CNGA3: variants seen among roughly 807,000 people sequenced by gnomAD.
CNGA3 encodes the protein cyclic nucleotide gated channel subunit alpha 3.
In CNGA3, 42 loss-of-function variants were observed where a neutral mutation model predicts 46.6. That is an observed-to-expected ratio of 0.90 (90% confidence interval 0.70 to 1.17). CNGA3 has a LOEUF of 1.17. Ranked by LOEUF, CNGA3 falls within the 50% of genes most tolerant of loss-of-function variation. CNGA3 has a pLI of 0.00. For missense variants in CNGA3, 893 were observed against 890.7 expected (o/e 1.00, Z -0.03); for synonymous variants, 394 against 369.4 (o/e 1.07, Z -0.76).
At chr2:98,357,190 T>G (rs969777819) in intron 1 of CNGA3, among the ~76,000 whole-genome samples, 1 of 152,172 alleles carries the variant, frequency 6.6e-6, no homozygotes, top group Non-Finnish European at 1.5e-5. Context: ...ACAAGAAAAG[T>G]ACAAGAATAA....
chr2:98,377,622 T>C, intron 2 of CNGA3, 65 bp from the exon 3 acceptor site: 1 of 1,459,652 alleles, frequency 6.9e-7, no homozygotes, highest in South Asian at 1.2e-5. Flanking sequence ...GTCTCACTCC[T>C]GGCTGTGTCC....
rs1172056960 is a variant in CNGA3, at chr2:98,389,892, C to T, written c.566+118C>T. On this transcript the variant is annotated intron_variant, in intron 6 of 7. Coordinates refer to ENST00000272602, the MANE Select transcript of CNGA3 (RefSeq NM_001298.3). ...AGGCCTGGACCCCTCACGGCCACCA[C>T]TTAGTTATTGTGCCTCGGTTTCTCC... 19 of 712,198 alleles carry T rather than the reference C, an allele frequency of 2.7e-5. No homozygotes were observed. In the East Asian group the frequency reaches 4.9e-4, roughly 18 times the overall value. 44.1% of individuals were successfully genotyped at this position (712,198 alleles called of 1,614,324 possible).
At chr2:98,387,373 AC>A (rs1692676353) in intron 5 of CNGA3, among the ~76,000 whole-genome samples, 1 of 152,348 alleles carries the variant, frequency 6.6e-6, no homozygotes, top group African/African-American at 2.4e-5. Context: ...TTATCTCTCA[AC>A]CATGCCTTCC....
intron 1 of CNGA3, among the ~76,000 whole-genome samples, chr2:98,368,264 C>T (rs1484364348): frequency 6.6e-6 from 1 of 152,216 alleles, no homozygotes; most frequent in Non-Finnish European, 1.5e-5. Flanking sequence ...CTGTCTCTGA[C>T]CTTCCTTTGG....
chr2:98,376,610 C>G (rs998204781), intron 2 of CNGA3, among the ~76,000 whole-genome samples: 1 of 152,082 alleles, frequency 6.6e-6, no homozygotes, highest in African/African-American at 2.4e-5. Flanking sequence ...AGCAGCCTGG[C>G]CACCGTGATG....
chr2:98,376,041 G>A (rs916851336), intron 2 of CNGA3, among the ~76,000 whole-genome samples: 2 of 152,164 alleles, frequency 1.3e-5, no homozygotes, highest in Non-Finnish European at 2.9e-5. Context: ...GGAAAGGTGA[G>A]TGTGTTCTCT....
At chr2:98,361,704 CT>C (rs1230449113) in intron 1 of CNGA3, among the ~76,000 whole-genome samples, 12,064 of 108,830 alleles carry the variant, frequency 0.11, 388 homozygotes, top group Non-Finnish European at 0.15. Flanking sequence ...CTTTTCTTGA[CT>C]TTTTTTTTTT....
chr2:98,370,169 T>C, intron 2 of CNGA3, 93 bp downstream of exon 2: 1 of 1,059,732 alleles, frequency 9.4e-7, no homozygotes, highest in Non-Finnish European at 1.4e-6. Context: ...GCCTTCACGT[T>C]GGCCAGCCAC....
chr2:98,355,044 C>T (rs1168751977), intron 1 of CNGA3, among the ~76,000 whole-genome samples: 2 of 152,264 alleles, frequency 1.3e-5, no homozygotes, highest in Middle Eastern at 3.4e-3. Context: ...TTGCCAAATG[C>T]ATTTTCTGTG....
At chr2:98,361,071 G>T (rs559597963) in intron 1 of CNGA3, among the ~76,000 whole-genome samples, 9 of 151,546 alleles carry the variant, frequency 5.9e-5, no homozygotes, top group African/African-American at 1.9e-4. Context: ...GGACGTGCAG[G>T]TTTGTTACAT....
At chr2:98,375,342 T>C (rs1692381202) in intron 2 of CNGA3, among the ~76,000 whole-genome samples, 1 of 152,202 alleles carries the variant, frequency 6.6e-6, no homozygotes, top group Admixed American at 6.5e-5. Context: ...GCAGAACACC[T>C]CCATCCTTGG....
Position 98,384,772 on chromosome 2 carries a change from G to T in CNGA3, c.449+1331G>T, listed in dbSNP as rs1424287953. ...GGTTTCTAGGCATCTTTGTCCTGGG[G>T]CTGGGGTGTGGGCAAGGATGTGGGT... is the stretch of plus-strand genomic sequence containing the variant. On this transcript the variant is annotated intron_variant, in intron 5 of 7. Coordinates refer to ENST00000272602, the MANE Select transcript of CNGA3 (RefSeq NM_001298.3). 2.0e-5 allele frequency among the ~76,000 whole-genome samples: 3 copies of T among 152,174 alleles called. No homozygotes were observed. In the East Asian group the frequency reaches 5.8e-4, roughly 29 times the overall value.
chr2:98,384,923 ATAAT>A (rs1692619581), intron 5 of CNGA3, among the ~76,000 whole-genome samples: 1 of 152,294 alleles, frequency 6.6e-6, no homozygotes, highest in East Asian at 1.9e-4. Flanking sequence ...CACACACAAA[ATAAT>A]TATTTATGAA....
chr2:98,389,876 C>A, intron 6 of CNGA3, 102 bp downstream of exon 6: 1 of 801,240 alleles, frequency 1.2e-6, no homozygotes, highest in Admixed American at 2.3e-5. Context: ...GAGGCCTGGA[C>A]CCCTCACGGC....
rs528794833 is a variant in CNGA3 at position 98,353,820 on chromosome 2, T to C, written c.-38+7286T>C. On this transcript the variant is annotated intron_variant, in intron 1 of 7. Transcript: ENST00000272602. The stretch of plus-strand genomic sequence containing the variant: ...TTGGGAAGCCTCAGGAAACTTACAA[T>C]CATGGTGGAAGCCTGAGGGGGAGCA... Among the ~76,000 whole-genome samples, 3 of 152,254 alleles carry C rather than the reference T, an allele frequency of 2.0e-5. No homozygotes were observed. The East Asian group carries it at 5.8e-4, about 29-fold the overall frequency.
In CNGA3 at chr2:98,397,264, C is replaced by T; in HGVS notation, c.*9C>T. 1 of 1,612,984 alleles carries T rather than the reference C, an allele frequency of 6.2e-7. No individual in the cohort carries two copies. Among genetic ancestry groups the T allele is most frequent in the Non-Finnish European group, 8.5e-7 (1 of 1,179,710 alleles). On this transcript the variant is annotated 3_prime_UTR_variant, in exon 8 of 8. Transcript: ENST00000272602. ...AGGACAAACAACAGTGAAAATGCAG[C>T]ATCTGTCTCCTGCTTCACAGGGTCG...
At chr2:98,382,280 G>C (rs996099325) in intron 4 of CNGA3, among the ~76,000 whole-genome samples, 3 of 152,170 alleles carry the variant, frequency 2.0e-5, no homozygotes, top group African/African-American at 7.2e-5. Flanking sequence ...TCTCCTGTGT[G>C]GGCTTGGCTT....
intron 6 of CNGA3, among the ~76,000 whole-genome samples, chr2:98,390,887 C>A (rs1040939573): frequency 1.3e-5 from 2 of 152,204 alleles, no homozygotes; most frequent in Non-Finnish European, 2.9e-5. Context: ...AAAGGCAGGT[C>A]TCTTCTGAGA....
At chr2:98,377,557 C>A in intron 2 of CNGA3, 130 bp from the exon 3 acceptor site, 1 of 844,724 alleles carries the variant, frequency 1.2e-6, no homozygotes, top group South Asian at 1.5e-5. Flanking sequence ...AGTGGGGAGC[C>A]CCTGGGATGA....
Sources: gnomAD v4.1 joint callset for allele counts (sites outside exome capture counted in the v4.1 genomes callset) on GRCh38, gnomAD v4.1.1 for gene constraint, MANE v1.5 for transcripts, NCBI Gene and HGNC (gene_info 2026-07-23, HGNC 2026-07-21) for gene names.